The following TMCC3 variants were observed in gnomAD, a reference collection of about 807,000 sequenced individuals.
The protein encoded by TMCC3 is transmembrane and coiled-coil domain family 3, also known as transmembrane and coiled-coil domain protein 3.
Under a neutral mutation model 40.2 loss-of-function variants are expected in TMCC3, and 28 were observed. The ratio of observed to expected loss-of-function variants is 0.70; its 90% CI spans 0.52 to 0.95. The LOEUF is 0.95. TMCC3 is among the 40% of genes least tolerant of loss of function. The pLI is 0.00. For missense variants in TMCC3, 554 were observed against 615.2 expected, an observed-to-expected ratio of 0.90 and a Z score of 1.05; for synonymous variants, 255 against 248.5, an observed-to-expected ratio of 1.03 and a Z score of -0.25.
chr12:94,640,136 T>C (rs139058984), intron 1 of TMCC3, among the ~76,000 whole-genome samples: 179 of 152,322 alleles, frequency 1.2e-3, no homozygotes, highest in African/African-American at 4.1e-3. Context: ...GAAAAGTCTT[T>C]GGTGCTAAAA....
At chr12:94,616,915 CA>C (rs1418288642) in intron 1 of TMCC3, among the ~76,000 whole-genome samples, 1 of 152,152 alleles carries the variant, frequency 6.6e-6, no homozygotes, top group East Asian at 1.9e-4. Flanking sequence ...CTGTTTTAAA[CA>C]AGTCCTTCTG....
At position 94,648,044 on chromosome 12, in the gene TMCC3, C is replaced by T. The variant is rs560226827; in HGVS notation, c.78+2309G>A. 7.9e-5 allele frequency among the ~76,000 whole-genome samples: 12 copies of T among 152,300 alleles called. No homozygotes were observed. In the South Asian group the frequency reaches 2.5e-3, roughly 32 times the overall value. On this transcript the variant is annotated intron_variant, in intron 1 of 3. Transcript: ENST00000261226. The stretch of plus-strand genomic sequence containing the variant: ...TTTGTGATTACGGTCTGCTGAAGTT[C>T]TAGCCCTTCTCTGATTTCCTCTCTT...
At chr12:94,642,506 G>A (rs961837776) in intron 1 of TMCC3, among the ~76,000 whole-genome samples, 3 of 152,204 alleles carry the variant, frequency 2.0e-5, no homozygotes, top group Non-Finnish European at 1.5e-5. Flanking sequence ...CAGTCTCCTC[G>A]AATGCCTTTA....
intron 1 of TMCC3, among the ~76,000 whole-genome samples, chr12:94,637,416 C>G (rs1010694176): frequency 6.6e-6 from 1 of 152,148 alleles, no homozygotes; most frequent in Non-Finnish European, 1.5e-5. Flanking sequence ...GAGTTTTCAC[C>G]TATCAGATTG....
At chr12:94,647,933 G>A (rs1478452590) in intron 1 of TMCC3, among the ~76,000 whole-genome samples, 5 of 152,026 alleles carry the variant, frequency 3.3e-5, no homozygotes, top group Non-Finnish European at 7.4e-5. Context: ...CCTATTCCTC[G>A]CTGTCTCAAC....
chr12:94,601,463 A>G (rs1304738188), intron 1 of TMCC3, among the ~76,000 whole-genome samples: 2 of 152,098 alleles, frequency 1.3e-5, no homozygotes, highest in African/African-American at 4.8e-5. Context: ...GATTGCAGTG[A>G]CCCGAGATCA....
At position 94,571,610 on chromosome 12, in the gene TMCC3, G is replaced by C. The variant is rs1181836235; in HGVS notation, c.1259C>G (p.Ala420Gly). The C allele has an allele frequency of 6.2e-7, 1 of 1,614,170 alleles. No homozygotes were observed. The highest frequency in any genetic ancestry group is 8.5e-7 in the Non-Finnish European group (1 of 1,180,028). Residue 420 changes from alanine (A) to glycine (G), a missense_variant, in exon 4 of 4, where the codon GCC (alanine) becomes GGC (glycine). Coordinates refer to ENST00000261226, the MANE Select transcript of TMCC3 (RefSeq NM_020698.4). ...LLGRCINVILAFMTVILVCVS... is the reference protein window; with the variant it reads ...LLGRCINVILGFMTVILVCVS... ...ACACACTAAGATGACAGTCATGAAG[G>C]CCAGGATCACGTTGATGCACCTCCC...
chr12:94,575,301 G>T (rs1440641617), intron 3 of TMCC3, among the ~76,000 whole-genome samples: 1 of 152,180 alleles, frequency 6.6e-6, no homozygotes, highest in East Asian at 1.9e-4. Flanking sequence ...GTAATAAAAA[G>T]AATGGACAGT....
chr12:94,603,312 T>C (rs1272364652), intron 1 of TMCC3, among the ~76,000 whole-genome samples: 1 of 152,146 alleles, frequency 6.6e-6, no homozygotes, highest in Non-Finnish European at 1.5e-5. Flanking sequence ...AGACGGGGTT[T>C]TGCCATCTTG....
intron 1 of TMCC3, among the ~76,000 whole-genome samples, chr12:94,593,617 T>A (rs1032541663): frequency 2.0e-4 from 30 of 151,780 alleles, no homozygotes; most frequent in Middle Eastern, 3.4e-3. Flanking sequence ...TAAAGGAGAT[T>A]AGGCAGTGTT....
rs1284273153 is a variant in TMCC3 at position 94,650,386 on chromosome 12, C to A, written c.45G>T (p.Ser15=). 1 of 1,339,930 alleles carries A rather than the reference C, an allele frequency of 7.5e-7. No individual in the cohort carries two copies. Among genetic ancestry groups the A allele is most frequent in the Non-Finnish European group, 9.6e-7 (1 of 1,038,644 alleles). 83.0% of individuals were successfully genotyped at this position (1,339,930 alleles called of 1,614,324 possible). The stretch of plus-strand genomic sequence containing the variant: ...TGCAGCGGTGGTGCCGGCCGGGGTA[C>A]GAGTAGGTCCGGTCCACGGTGAGCG... The part of the protein sequence containing the change: ...DTALTVDRTY[S]YPGRHHRCKS... Residue 15 remains serine, a synonymous_variant, in exon 1 of 4, where the codon TCG becomes TCT. Coordinates refer to ENST00000261226, the MANE Select transcript of TMCC3 (RefSeq NM_020698.4).
Position 94,637,474 on chromosome 12 carries a change from G to A in TMCC3, c.78+12879C>T, listed in dbSNP as rs1190411450. On this transcript the variant is annotated intron_variant, in intron 1 of 3. Coordinates refer to ENST00000261226, the MANE Select transcript of TMCC3 (RefSeq NM_020698.4). Reference sequence around the variant, plus strand: ...ACATGCTGTGTCCGAAGCGATGTGGGTAAAGGCATGTTCACACATTAATGA... The same window carrying A: ...ACATGCTGTGTCCGAAGCGATGTGGATAAAGGCATGTTCACACATTAATGA... Among the ~76,000 whole-genome samples the A allele has an allele frequency of 3.3e-5, 5 of 152,234 alleles. No individual in the cohort carries two copies. The East Asian group carries it at 7.7e-4, about 23-fold the overall frequency.
intron 1 of TMCC3, among the ~76,000 whole-genome samples, chr12:94,649,423 G>T (rs2069039820): frequency 1.3e-5 from 2 of 152,190 alleles, no homozygotes; most frequent in African/African-American, 4.8e-5. Flanking sequence ...CAAATCCCCA[G>T]TTCTCGGACA....
chr12:94,600,458 A>C (rs956845924), intron 1 of TMCC3, among the ~76,000 whole-genome samples: 9 of 152,140 alleles, frequency 5.9e-5, no homozygotes, highest in African/African-American at 1.9e-4. Context: ...CACTTCCATC[A>C]CACTAAAACA....
chr12:94,637,231 G>A (rs2068965177), intron 1 of TMCC3, among the ~76,000 whole-genome samples: 1 of 152,168 alleles, frequency 6.6e-6, no homozygotes, highest in African/African-American at 2.4e-5. Context: ...ATGATCTATT[G>A]TACTATAGTT....
intron 1 of TMCC3, among the ~76,000 whole-genome samples, chr12:94,603,496 TCAACACA>T (rs2068764702): frequency 6.6e-6 from 1 of 152,182 alleles, no homozygotes; most frequent in Non-Finnish European, 1.5e-5. Flanking sequence ...GAAAAATTGT[TCAACACA>T]CAACCCAGAC....
At chr12:94,572,021 G>A (rs1451470669) in intron 3 of TMCC3, among the ~76,000 whole-genome samples, 3 of 152,058 alleles carry the variant, frequency 2.0e-5, no homozygotes, top group Non-Finnish European at 2.9e-5. Context: ...TTTTTTTTGA[G>A]ATGTAGTCTT....
chr12:94,644,374 G>C, intron 1 of TMCC3: 1 of 985,400 alleles, frequency 1.0e-6, no homozygotes, highest in Non-Finnish European at 1.2e-6. Flanking sequence ...TTTCCAAGTA[G>C]GACTAGGTTG....
chr12:94,596,757 A>G (rs1178343349), intron 1 of TMCC3, among the ~76,000 whole-genome samples: 1 of 152,000 alleles, frequency 6.6e-6, no homozygotes, highest in Non-Finnish European at 1.5e-5. Context: ...GCAGCCAACT[A>G]GGGCAGCCAG....
Sources: gnomAD v4.1 joint callset for allele counts (sites outside exome capture counted in the v4.1 genomes callset) on GRCh38, gnomAD v4.1.1 for gene constraint, MANE v1.5 for transcripts, NCBI Gene and HGNC (gene_info 2026-07-23, HGNC 2026-07-21) for gene names.